ARHGAP23: variants seen among roughly 807,000 people sequenced by gnomAD.
ARHGAP23 encodes rho GTPase-activating protein 23.
ARHGAP23 carries 34 observed loss-of-function variants against 136.3 expected under a neutral mutation model. The observed-to-expected ratio is 0.25, with a 90% CI of 0.19 to 0.33. The LOEUF (loss-of-function observed/expected upper bound fraction) is 0.33, where lower values mean the gene tolerates loss of function less well. Ranked by LOEUF, ARHGAP23 falls within the 10% of genes least tolerant of loss-of-function variation. The pLI, the probability that ARHGAP23 is intolerant of heterozygous loss-of-function variation, is 1.00. For synonymous variants in ARHGAP23, 832 were observed against 920.5 expected (o/e 0.90, Z 1.74); for missense variants, 1,808 against 2,139.0 (o/e 0.85, Z 3.05).
chr17:38,469,585 G>A lies in ARHGAP23; in HGVS notation c.1866G>A (p.Lys622=), dbSNP rs1011458002. ...YLLAITTERS[K]SCDDGLNTFR... ...TGGCCATCACCACGGAGCGCTCCAA[G>A]TCCTGCGATGATGGACTCAACACCT... The change falls in exon 9 of 24, where the codon AAG becomes AAA. Residue 622 remains lysine (K), a synonymous_variant. Coordinates refer to ENST00000622683, the MANE Select transcript of ARHGAP23 (RefSeq NM_001199417.2). 4 of 1,548,664 alleles carry A rather than the reference G, an allele frequency of 2.6e-6. No homozygotes were observed. The highest frequency in any genetic ancestry group is 1.4e-5 in the African/African-American group (1 of 72,972).
In ARHGAP23 at chr17:38,469,856, A is replaced by C; in HGVS notation, c.1926A>C (p.Pro642=). The change falls in exon 10 of 24, where the codon CCA becomes CCC. Residue 642 remains proline (P), a synonymous_variant. Coordinates refer to ENST00000622683, the MANE Select transcript of ARHGAP23 (RefSeq NM_001199417.2). The part of the protein sequence containing the change: ...RDEGRVLRRL[P]NRIPSLRMLR... ...GACCCTCGCTTTCCAGGCGCCTGCC[A>C]AACCGCATACCCAGCCTGCGGATGC... The C allele has an allele frequency of 6.4e-7, 1 of 1,551,682 alleles. No individual in the cohort carries two copies. Among genetic ancestry groups the C allele is most frequent in the Non-Finnish European group, 8.7e-7 (1 of 1,146,980 alleles).
upstream of ARHGAP23, among the ~76,000 whole-genome samples, chr17:38,426,572 A>AAAAAAAAAAAAAAAAAC (rs1567767218): frequency 6.7e-6 from 1 of 149,280 alleles, no homozygotes; most frequent in Non-Finnish European, 1.5e-5. Flanking sequence ...AAAAAAAAAA[A>AAAAAAAAAAAAAAAAAC]TCCAGGCAGT....
chr17:38,435,572 C>G (rs1033211439), intron 1 of ARHGAP23, among the ~76,000 whole-genome samples: 1 of 152,234 alleles, frequency 6.6e-6, no homozygotes, highest in Non-Finnish European at 1.5e-5. Flanking sequence ...TCTCCTTGGC[C>G]TCACGGCAGT....
At chr17:38,506,420 G>C (rs1031394961) in intron 23 of ARHGAP23, among the ~76,000 whole-genome samples, 9 of 152,164 alleles carry the variant, frequency 5.9e-5, no homozygotes, top group Non-Finnish European at 1.3e-4. Flanking sequence ...TGTGAGATTA[G>C]AGCTTGAGGG....
chr17:38,496,946 C>G (rs1211970255), intron 20 of ARHGAP23, among the ~76,000 whole-genome samples: 3 of 55,386 alleles, frequency 5.4e-5, no homozygotes, highest in Non-Finnish European at 1.1e-4. Flanking sequence ...GAGTGAGATT[C>G]TGTTGGAAAA....
intron 20 of ARHGAP23, among the ~76,000 whole-genome samples, chr17:38,492,626 A>G (rs560325333): frequency 1.3e-5 from 2 of 152,354 alleles, no homozygotes; most frequent in African/African-American, 2.4e-5. Flanking sequence ...GGAGGGGGCC[A>G]GGGTAAGGAG....
At chr17:38,434,690 C>T (rs1234119979) in intron 1 of ARHGAP23, among the ~76,000 whole-genome samples, 2 of 152,220 alleles carry the variant, frequency 1.3e-5, no homozygotes, top group African/African-American at 4.8e-5. Flanking sequence ...AGGCAGGGGC[C>T]GAGTTCATTC....
chr17:38,446,280 C>A (rs146432916), intron 1 of ARHGAP23, among the ~76,000 whole-genome samples: 1 of 151,392 alleles, frequency 6.6e-6, no homozygotes, highest in African/African-American at 2.4e-5. Context: ...CCACCTCAGC[C>A]TCCCAAAGTG....
chr17:38,485,861 G>T (rs2040148218), intron 16 of ARHGAP23, among the ~76,000 whole-genome samples: 2 of 152,216 alleles, frequency 1.3e-5, no homozygotes, highest in South Asian at 4.1e-4. Flanking sequence ...GCAGGGAGGG[G>T]CTGGGGCCAA....
At chr17:38,456,823 T>C (rs996315227) in intron 1 of ARHGAP23, among the ~76,000 whole-genome samples, 6 of 152,190 alleles carry the variant, frequency 3.9e-5, no homozygotes, top group Non-Finnish European at 8.8e-5. Context: ...TCCAAACTCT[T>C]GTCTTCAGAT....
intron 1 of ARHGAP23, among the ~76,000 whole-genome samples, chr17:38,441,750 C>T (rs1193438379): frequency 7.2e-5 from 11 of 151,824 alleles, no homozygotes; most frequent in African/African-American, 1.5e-4. Flanking sequence ...AAGAAGGGGA[C>T]GGGGAGGGGG....
In ARHGAP23 at chr17:38,466,843, C is replaced by T. The variant is rs1272653395; in HGVS notation, c.1160C>T (p.Ala387Val). The T allele has an allele frequency of 1.3e-6, 2 of 1,548,676 alleles. No homozygotes were observed. The change falls in exon 7 of 24, where the codon GCC (alanine) becomes GTC (valine). Residue 387 changes from alanine (A) to valine (V), a missense_variant. Transcript: ENST00000622683. ...GGCTGGGCTTCCCAGCGTTCGTCTG[C>T]CCGCACCCCCGCCTGCCCAACTCGG... ...RCGWASQRSS[A>V]RTPACPTRDL...
chr17:38,466,662 C>T lies in ARHGAP23; in HGVS notation c.979C>T (p.Arg327Cys), dbSNP rs954800610. 4.4e-5 allele frequency: 67 copies of T among 1,511,720 alleles called. No homozygotes were observed. The highest frequency in any genetic ancestry group is 5.1e-5 in the South Asian group (4 of 78,346). The allele number at this position is 1,511,720 out of a possible 1,614,324, so 93.6% of individuals were successfully genotyped here. A position where few individuals can be genotyped will look rare whatever the true frequency, so the allele number is the denominator to read the frequency against. ...CCGGTTGGAGGAGGTGGCTGCCCCC[C>T]GCCCGTGGCCCTGCTCCACCTCCCA... ...QDRLEEVAAP[R>C]PWPCSTSQDA... is the part of the protein sequence containing the mutation. The change falls in exon 7 of 24, where the codon CGC becomes TGC. Residue 327 changes from arginine (R) to cysteine (C), a missense_variant. By Grantham distance (180) the Arg-to-Cys change is radical. This residue lies in a region of ARHGAP23 where 859 missense variants were observed against 936.4 expected (regional missense o/e 0.92). Coordinates refer to ENST00000622683, the MANE Select transcript of ARHGAP23 (RefSeq NM_001199417.2).
At chr17:38,500,190 T>C (rs1957320017) in intron 22 of ARHGAP23, 2 of 220,934 alleles carry the variant, frequency 9.1e-6, no homozygotes, top group South Asian at 1.6e-4. Flanking sequence ...AGAGCATCTG[T>C]GATTTGCTGT....
chr17:38,453,460 TGC>T (rs1306314077), intron 1 of ARHGAP23, among the ~76,000 whole-genome samples: 15,472 of 111,424 alleles, frequency 0.14, 1,171 homozygotes, highest in East Asian at 0.24. Flanking sequence ...TGTGTGTGTG[TGC>T]GCGCGCGCGC....
intron 12 of ARHGAP23, among the ~76,000 whole-genome samples, chr17:38,478,280 C>T (rs2039946120): frequency 6.6e-6 from 1 of 152,290 alleles, no homozygotes; most frequent in Non-Finnish European, 1.5e-5. Flanking sequence ...ATGAGTGTCC[C>T]CGCACCAGAA....
At chr17:38,457,944 G>A (rs1259700231) in intron 1 of ARHGAP23, 158 bp from the exon 2 acceptor site, 1 of 763,176 alleles carries the variant, frequency 1.3e-6, no homozygotes, top group African/African-American at 1.8e-5. Flanking sequence ...GTAAGGAAGG[G>A]GTGAGGAGGA....
Position 38,482,644 on chromosome 17 carries a change from A to G in ARHGAP23, c.2873A>G (p.Asn958Ser). The stretch of plus-strand genomic sequence containing the variant: ...GTGTCCAGCCTACAGGAGCAGCTCA[A>G]CCGCGGGCCTGGTGACATCAACCTG... The part of the protein sequence containing the change: ...AVVSSLQEQL[N>S]RGPGDINLQD... The change falls in exon 16 of 24, where the codon AAC becomes AGC. Residue 958 changes from asparagine to serine, a missense_variant. Physicochemically the swap from Asn to Ser is conservative, Grantham distance 46 (BLOSUM62 1). This residue lies in a region of ARHGAP23 where 105 missense variants were observed against 200.6 expected (regional missense o/e 0.52). Coordinates refer to ENST00000622683, the MANE Select transcript of ARHGAP23 (RefSeq NM_001199417.2). The G allele has an allele frequency of 2.6e-6, 4 of 1,549,196 alleles. No homozygotes were observed. The highest frequency in any genetic ancestry group is 2.6e-6 in the Non-Finnish European group (3 of 1,146,584).
At chr17:38,493,215 T>G (rs1359338169) in intron 20 of ARHGAP23, among the ~76,000 whole-genome samples, 19 of 151,620 alleles carry the variant, frequency 1.3e-4, no homozygotes, top group Admixed American at 1.2e-3. Flanking sequence ...TTTTTTTGTT[T>G]TTTTTTTGAT....
Sources: allele counts gnomAD v4.1 joint callset (sites outside exome capture counted in the v4.1 genomes callset), GRCh38; gene constraint gnomAD v4.1.1; regional missense constraint gnomAD v4.1.1; transcripts MANE v1.5; gene names NCBI Gene and HGNC (gene_info 2026-07-23, HGNC 2026-07-21).